The following RNF111 variants were observed in gnomAD, a reference collection of about 807,000 sequenced individuals.
The protein encoded by RNF111 is ring finger protein 111.
RNF111 carries 17 observed loss-of-function variants against 95.1 expected under a neutral mutation model. That is an observed-to-expected ratio of 0.18 (90% CI 0.12 to 0.27). The LOEUF is 0.27. Among genes scored for constraint, RNF111 ranks in the 10% least tolerant of loss-of-function variants. The pLI, the probability that RNF111 is intolerant of heterozygous loss-of-function variation, is 1.00. For missense variants in RNF111, 1,189 were observed against 1,210.4 expected (o/e 0.98, Z 0.26); for synonymous variants, 440 against 414.8 (o/e 1.06, Z -0.74).
At position 59,095,762 on chromosome 15, in the gene RNF111, CAT is replaced by C. The variant is rs1262063990; in HGVS notation, c.*863_*864del. ...AAAATTTTAGGGAAATTGAAAAAGA[CAT>C]GTAGAATTTGTTGTCTTCTGCTAAG... On this transcript the variant is annotated 3_prime_UTR_variant, in exon 14 of 14. Transcript: ENST00000348370. 5.5e-6 allele frequency: 2 copies of C among 364,644 alleles called. No homozygotes were observed. The highest frequency in any genetic ancestry group is 9.7e-6 in the Non-Finnish European group (2 of 205,428). The allele number at this position is 364,644 out of a possible 1,614,324, so 22.6% of individuals were successfully genotyped here.
chr15:59,069,697 A>G (rs1422101417), intron 6 of RNF111, among the ~76,000 whole-genome samples: 3 of 152,194 alleles, frequency 2.0e-5, no homozygotes, highest in Non-Finnish European at 4.4e-5. Flanking sequence ...TTTGAAGACA[A>G]CAGTTTGAGA....
rs773049979 is a variant in RNF111, at chr15:59,094,892, G to C, written c.2953G>C (p.Glu985Gln). The stretch of plus-strand genomic sequence containing the variant: ...GGACATTGAGGCCCAGCTGCCAAGT[G>C]AAAGTTGACACCATGTTTCAGAACT... ...RVDIEAQLPS[E>Q]S is the part of the protein sequence containing the mutation. Residue 985 changes from glutamate (E) to glutamine (Q), a missense_variant, in exon 14 of 14, where the codon GAA (glutamate) becomes CAA (glutamine). Physicochemically the swap from Glu to Gln is conservative, Grantham distance 29. Transcript: ENST00000348370. The C allele has an allele frequency of 6.3e-7, 1 of 1,578,984 alleles. No individual in the cohort carries two copies. Among genetic ancestry groups the C allele is most frequent in the Non-Finnish European group, 8.7e-7 (1 of 1,148,272 alleles).
chr15:59,005,824 C>T (rs2039516361), intron 1 of RNF111, among the ~76,000 whole-genome samples: 2 of 152,138 alleles, frequency 1.3e-5, no homozygotes, highest in Non-Finnish European at 2.9e-5. Context: ...CTATCATATG[C>T]ATATGTTACT....
At chr15:59,029,005 C>A (rs1410288070) in intron 1 of RNF111, among the ~76,000 whole-genome samples, 1 of 152,104 alleles carries the variant, frequency 6.6e-6, no homozygotes, top group Non-Finnish European at 1.5e-5. Flanking sequence ...ATCTCGAACT[C>A]CTGGCCTCCA....
chr15:59,002,330 T>C (rs544714955), intron 1 of RNF111, among the ~76,000 whole-genome samples: 49 of 152,352 alleles, frequency 3.2e-4, no homozygotes, highest in Admixed American at 3.3e-4. Flanking sequence ...GTTTTTCCTT[T>C]AGAATTAATA....
intron 2 of RNF111, among the ~76,000 whole-genome samples, chr15:59,033,418 C>G (rs1022700344): frequency 2.2e-4 from 34 of 152,152 alleles, no homozygotes; most frequent in Admixed American, 2.2e-3. Flanking sequence ...GAGAAGAGTT[C>G]ATTTTGATCA....
chr15:59,055,860 T>C lies in RNF111; in HGVS notation c.1171+15T>C. The C allele has an allele frequency of 6.3e-7, 1 of 1,581,580 alleles. No homozygotes were observed. The highest frequency in any genetic ancestry group is 2.3e-5 in the East Asian group (1 of 43,872). The stretch of plus-strand genomic sequence containing the variant: ...TGATGAAGATGGTAAATTGAAGTAG[T>C]AACAGTAGAAAATTATGAAAGGAGT... On this transcript the variant is annotated intron_variant, in intron 4 of 13. Coordinates refer to ENST00000348370, the MANE Select transcript of RNF111 (RefSeq NM_017610.8).
chr15:59,022,740 T>C (rs1385521016), intron 1 of RNF111, among the ~76,000 whole-genome samples: 1 of 152,232 alleles, frequency 6.6e-6, no homozygotes, highest in Non-Finnish European at 1.5e-5. Flanking sequence ...CAAAGTGACA[T>C]TGGCAGATAA....
At position 59,086,938 on chromosome 15, in the gene RNF111, A is replaced by G. The variant is rs1440430310; in HGVS notation, c.2550+1153A>G. On this transcript the variant is annotated intron_variant, in intron 10 of 13. Transcript: ENST00000348370. Reference sequence around the variant, plus strand: ...TAGATGTAAATGTGGGAAACCAGTTAGGACATTATAGTAGAAGAGGTAAAT... The same window carrying G: ...TAGATGTAAATGTGGGAAACCAGTTGGGACATTATAGTAGAAGAGGTAAAT... Among the ~76,000 whole-genome samples the G allele has an allele frequency of 2.0e-5, 3 of 152,374 alleles. No individual in the cohort carries two copies. The East Asian group carries it at 5.8e-4, about 29-fold the overall frequency.
chr15:59,056,243 A>G (rs1456158071), intron 4 of RNF111, among the ~76,000 whole-genome samples: 1 of 152,132 alleles, frequency 6.6e-6, no homozygotes, highest in Non-Finnish European at 1.5e-5. Flanking sequence ...GAAATGTCTA[A>G]CTTTACTTTT....
chr15:59,046,151 C>T (rs185389717), intron 2 of RNF111, among the ~76,000 whole-genome samples: 19 of 150,602 alleles, frequency 1.3e-4, no homozygotes, highest in Admixed American at 5.9e-4. Context: ...TCATTATCTC[C>T]GTTATTTACC....
chr15:59,019,105 AT>A (rs35154303), intron 1 of RNF111, among the ~76,000 whole-genome samples: 44,075 of 121,120 alleles, frequency 0.36, 6,887 homozygotes, highest in Admixed American at 0.44. Context: ...GTATTTTTGT[AT>A]TTTTTTTTTT....
intron 1 of RNF111, among the ~76,000 whole-genome samples, chr15:59,029,384 T>G (rs2040796877): frequency 6.6e-6 from 1 of 152,214 alleles, no homozygotes. Flanking sequence ...ATCTTTGTAT[T>G]CCTGGTTTAT....
At chr15:59,068,745 AT>A (rs1409093706) in intron 6 of RNF111, among the ~76,000 whole-genome samples, 1 of 152,068 alleles carries the variant, frequency 6.6e-6, no homozygotes, top group East Asian at 1.9e-4. Flanking sequence ...ATCTTTTAAA[AT>A]TTTGATGGTA....
Position 59,008,770 on chromosome 15 carries a change from A to G in RNF111, c.-20+20702A>G, listed in dbSNP as rs111757184. On this transcript the variant is annotated intron_variant, in intron 1 of 13. Transcript: ENST00000348370. ...TTTTAAAAATCATATTACATTTATCACCACTTTTGGCTTATACTTTAAAAA... is the reference window on the plus strand; with the variant it reads ...TTTTAAAAATCATATTACATTTATCGCCACTTTTGGCTTATACTTTAAAAA... Among the ~76,000 whole-genome samples the G allele has an allele frequency of 8.2e-3, 1,251 of 151,856 alleles. 21 individuals carry two copies. The highest frequency in any genetic ancestry group is 0.029 in the African/African-American group (1,192 of 41,390).
intron 4 of RNF111, among the ~76,000 whole-genome samples, chr15:59,057,215 T>C (rs1313408237): frequency 6.6e-6 from 1 of 152,058 alleles, no homozygotes; most frequent in Non-Finnish European, 1.5e-5. Flanking sequence ...ACAGTGCACA[T>C]CTCCTCCCCA....
At chr15:59,039,622 G>C (rs144424985) in intron 2 of RNF111, among the ~76,000 whole-genome samples, 1 of 152,014 alleles carries the variant, frequency 6.6e-6, no homozygotes, top group African/African-American at 2.4e-5. Context: ...CCTAGTAGTC[G>C]TTGATAACTT....
chr15:59,023,649 T>C (rs1282086419), intron 1 of RNF111, among the ~76,000 whole-genome samples: 1 of 152,230 alleles, frequency 6.6e-6, no homozygotes, highest in African/African-American at 2.4e-5. Context: ...AATTACCTTC[T>C]TTTAAATATA....
intron 6 of RNF111, among the ~76,000 whole-genome samples, chr15:59,068,328 C>T (rs1351306604): frequency 6.6e-6 from 1 of 152,246 alleles, no homozygotes; most frequent in East Asian, 1.9e-4. Flanking sequence ...GTCAAAGAGG[C>T]TGGCATGGTG....
Sources: gnomAD v4.1 joint callset for allele counts (sites outside exome capture counted in the v4.1 genomes callset) on GRCh38, gnomAD v4.1.1 for gene constraint, MANE v1.5 for transcripts, NCBI Gene and HGNC (gene_info 2026-07-23, HGNC 2026-07-21) for gene names.